DNAL1: variants seen among roughly 807,000 people sequenced by gnomAD.
DNAL1 encodes chromosome 14 open reading frame 168.
A neutral mutation model predicts 29.4 loss-of-function variants in DNAL1; 17 were observed. The ratio of observed to expected loss-of-function variants is 0.58; its 90% CI spans 0.40 to 0.87. DNAL1 has a LOEUF of 0.87. DNAL1 is among the 40% of genes least tolerant of loss of function. The probability of loss-of-function intolerance (pLI) is 0.00; values close to 1 mark genes in which losing one functional copy is unlikely to be tolerated. For missense variants in DNAL1, 188 were observed against 214.1 expected (o/e 0.88, Z 0.76); for synonymous variants, 78 against 76.3 (o/e 1.02, Z -0.12).
chr14:73,667,796 G>C (rs1285519795), intron 4 of DNAL1, among the ~76,000 whole-genome samples: 1 of 152,172 alleles, frequency 6.6e-6, no homozygotes, highest in East Asian at 1.9e-4. Context: ...GTGAGCCACT[G>C]CTGAGCCATA....
At chr14:73,672,607 C>CAAAA (rs35746041) in intron 5 of DNAL1, among the ~76,000 whole-genome samples, 2 of 75,266 alleles carry the variant, frequency 2.7e-5, no homozygotes, top group Non-Finnish European at 5.1e-5. Flanking sequence ...GACTCTGTCT[C>CAAAA]AAAAAAAAAA....
intron 1 of DNAL1, among the ~76,000 whole-genome samples, chr14:73,646,316 T>A (rs1397842910): frequency 6.6e-6 from 1 of 152,238 alleles, no homozygotes; most frequent in Admixed American, 6.5e-5. Flanking sequence ...ATTGGCAGTT[T>A]TGCCTTGCAA....
chr14:73,668,029 C>A (rs577072571), intron 4 of DNAL1, among the ~76,000 whole-genome samples: 3 of 152,182 alleles, frequency 2.0e-5, no homozygotes, highest in African/African-American at 7.2e-5. Flanking sequence ...TGCCTCAAAG[C>A]CTTTGTACTT....
In DNAL1 at chr14:73,671,546, C is replaced by T; in HGVS notation, c.213C>T (p.Asn71=). ...AATGTTTTCTTTTCACTACAGAAAA[C>T]TTGAGGATATTATCTTTAGGAAGAA... is the stretch of plus-strand genomic sequence containing the variant. The part of the protein sequence containing the change: ...EKIANLNGLK[N]LRILSLGRNN... The change falls in exon 5 of 8, where the codon AAC becomes AAT. Residue 71 remains asparagine, a synonymous_variant. Coordinates refer to ENST00000553645, the MANE Select transcript of DNAL1 (RefSeq NM_031427.4). 6.8e-7 allele frequency: 1 copy of T among 1,478,408 alleles called. No individual in the cohort carries two copies. Among genetic ancestry groups the T allele is most frequent in the Non-Finnish European group, 9.0e-7 (1 of 1,108,106 alleles). The allele number at this position is 1,478,408 out of a possible 1,614,324, so 91.6% of individuals were successfully genotyped here.
At chr14:73,687,817 G>A (rs1892057353) in intron 6 of DNAL1, among the ~76,000 whole-genome samples, 1 of 152,150 alleles carries the variant, frequency 6.6e-6, no homozygotes, top group Non-Finnish European at 1.5e-5. Flanking sequence ...AGCTTGCAGT[G>A]AGCCGAGATC....
intron 6 of DNAL1, among the ~76,000 whole-genome samples, chr14:73,687,988 A>G (rs1443270617): frequency 6.6e-6 from 1 of 152,152 alleles, no homozygotes; most frequent in Non-Finnish European, 1.5e-5. Flanking sequence ...AAAGTATAAT[A>G]AAAATAAAAA....
chr14:73,679,395 A>G (rs1184165972), intron 5 of DNAL1, among the ~76,000 whole-genome samples: 15 of 152,296 alleles, frequency 9.8e-5, no homozygotes, highest in Non-Finnish European at 4.4e-5. Flanking sequence ...AAAAATGCAA[A>G]CAGAAAAATG....
At chr14:73,691,226 G>A (rs939544462) in intron 7 of DNAL1, among the ~76,000 whole-genome samples, 6 of 152,130 alleles carry the variant, frequency 3.9e-5, no homozygotes, top group Admixed American at 6.5e-5. Context: ...TACGCTAAAC[G>A]TTGTGCTTAA....
rs540971177 is a variant in DNAL1, at chr14:73,669,915, T to A, written c.209-1627T>A. 7.9e-4 allele frequency among the ~76,000 whole-genome samples: 120 copies of A among 152,340 alleles called. 1 individual carries two copies. Among genetic ancestry groups the A allele is most frequent in the African/African-American group, 2.8e-3 (118 of 41,572 alleles). On this transcript the variant is annotated intron_variant, in intron 4 of 7. Coordinates refer to ENST00000553645, the MANE Select transcript of DNAL1 (RefSeq NM_031427.4). ...AATACCTTGCTCTAAAAGCTCATTG[T>A]TTCTTGTAAGACAAATTAATTTATT...
intron 1 of DNAL1, among the ~76,000 whole-genome samples, chr14:73,647,384 AAAAG>A (rs1253522741): frequency 1.0e-3 from 150 of 149,920 alleles, no homozygotes; most frequent in African/African-American, 3.4e-3. Context: ...AAAAAAAAGA[AAAAG>A]AAAAAGAAAA....
chr14:73,681,650 A>ATATATATATATATATATATATATATG (rs1891891048), intron 5 of DNAL1, among the ~76,000 whole-genome samples: 1 of 132,260 alleles, frequency 7.6e-6, no homozygotes, highest in African/African-American at 3.0e-5. Flanking sequence ...ATATATATAT[A>ATATATATATATATATATATATATATG]TATATTAGTT....
intron 1 of DNAL1, among the ~76,000 whole-genome samples, chr14:73,647,442 A>G (rs1891007733): frequency 6.6e-6 from 1 of 151,986 alleles, no homozygotes; most frequent in South Asian, 2.1e-4. Flanking sequence ...ACATTTTCGT[A>G]TTACTGAGAT....
intron 3 of DNAL1, among the ~76,000 whole-genome samples, chr14:73,659,214 T>C (rs1443091366): frequency 2.7e-5 from 4 of 149,178 alleles, no homozygotes; most frequent in African/African-American, 9.9e-5. Flanking sequence ...CAGGCTGGAG[T>C]GCAATGGCAT....
chr14:73,672,501 G>T lies in DNAL1; in HGVS notation c.264+904G>T, dbSNP rs186188626. On this transcript the variant is annotated intron_variant, in intron 5 of 7. Coordinates refer to ENST00000553645, the MANE Select transcript of DNAL1 (RefSeq NM_031427.4). ...CGGGCGCCTGTAGTCCCAGCTACTTGGGAGGCTGAGGCAGGAGAATGGCAT... is the reference window on the plus strand; with the variant it reads ...CGGGCGCCTGTAGTCCCAGCTACTTTGGAGGCTGAGGCAGGAGAATGGCAT... Among the ~76,000 whole-genome samples the T allele has an allele frequency of 4.0e-5, 6 of 150,752 alleles. No individual in the cohort carries two copies. In the East Asian group the frequency reaches 1.0e-3, roughly 25 times the overall value.
At chr14:73,683,322 G>C (rs1423997624) in intron 5 of DNAL1, among the ~76,000 whole-genome samples, 1 of 152,046 alleles carries the variant, frequency 6.6e-6, no homozygotes, top group African/African-American at 2.4e-5. Context: ...GTGTATGGCT[G>C]GTGGCTCAGT....
chr14:73,678,044 G>A (rs950312921), intron 5 of DNAL1, among the ~76,000 whole-genome samples: 6 of 151,360 alleles, frequency 4.0e-5, no homozygotes, highest in African/African-American at 1.5e-4. Flanking sequence ...CTACAGGCAC[G>A]CACCACCACA....
intron 1 of DNAL1, among the ~76,000 whole-genome samples, chr14:73,649,177 TG>T (rs1177952736): frequency 6.6e-6 from 1 of 151,868 alleles, no homozygotes; most frequent in Non-Finnish European, 1.5e-5. Context: ...GGTCTCCCCA[TG>T]TTGACCAGGC....
At chr14:73,672,197 T>G (rs898466460) in intron 5 of DNAL1, among the ~76,000 whole-genome samples, 9 of 152,110 alleles carry the variant, frequency 5.9e-5, no homozygotes. Flanking sequence ...TGTTCAGAGG[T>G]GCAATTTTGG....
intron 5 of DNAL1, among the ~76,000 whole-genome samples, chr14:73,683,703 A>G (rs1208992169): frequency 7.5e-6 from 1 of 132,952 alleles, no homozygotes; most frequent in Non-Finnish European, 1.6e-5. Flanking sequence ...TTTATTTATT[A>G]TTATTATTAT....
Sources: gnomAD v4.1 joint callset for allele counts (sites outside exome capture counted in the v4.1 genomes callset) on GRCh38, gnomAD v4.1.1 for gene constraint, MANE v1.5 for transcripts, NCBI Gene and HGNC (gene_info 2026-07-23, HGNC 2026-07-21) for gene names.